Variants in HADHB observed in about 807,000 individuals in gnomAD.
The protein encoded by HADHB is trifunctional enzyme subunit beta, mitochondrial.
HADHB carries 50 observed loss-of-function variants against 61.9 expected under a neutral mutation model. The observed-to-expected ratio is 0.81, with a 90% CI of 0.64 to 1.02. The LOEUF is 1.02. Among genes scored for constraint, HADHB ranks in the 50% least tolerant of loss-of-function variants. The pLI, the probability that HADHB is intolerant of heterozygous loss-of-function variation, is 0.00. For missense variants in HADHB, 504 were observed against 586.5 expected (o/e 0.86, Z 1.45); for synonymous variants, 191 against 201.6 (o/e 0.95, Z 0.45).
intron 3 of HADHB, 142 bp from the exon 4 acceptor site, chr2:26,263,238 G>T: frequency 1.8e-6 from 1 of 549,470 alleles, no homozygotes; most frequent in Non-Finnish European, 3.3e-6. Flanking sequence ...GGCAGAGGTT[G>T]CAGTGAGCCG....
At position 26,259,228 on chromosome 2, in the gene HADHB, A is replaced by G. The variant is rs1372583853; in HGVS notation, c.110-4152A>G. Reference sequence around the variant, plus strand: ...GGGTCTGTCCCACAGACCCTGGCTGACTGACAGATGAAATGAGTACTCAGA... The same window carrying G: ...GGGTCTGTCCCACAGACCCTGGCTGGCTGACAGATGAAATGAGTACTCAGA... On this transcript the variant is annotated intron_variant, in intron 3 of 15. Coordinates refer to ENST00000317799, the MANE Select transcript of HADHB (RefSeq NM_000183.3). 2.0e-5 allele frequency among the ~76,000 whole-genome samples: 3 copies of G among 152,216 alleles called. No homozygotes were observed. The East Asian group carries it at 5.8e-4, about 29-fold the overall frequency.
At chr2:26,274,429 C>G (rs1308531391) in intron 6 of HADHB, among the ~76,000 whole-genome samples, 1 of 152,200 alleles carries the variant, frequency 6.6e-6, no homozygotes, top group Admixed American at 6.5e-5. Flanking sequence ...TTCCCTAGTT[C>G]TGGTCTGTGC....
chr2:26,277,873 T>C (rs1672614177), intron 7 of HADHB, among the ~76,000 whole-genome samples: 1 of 152,230 alleles, frequency 6.6e-6, no homozygotes, highest in African/African-American at 2.4e-5. Flanking sequence ...ACCACTACCA[T>C]ACTTGTAAAT....
chr2:26,252,248 G>A (rs1053146669), intron 1 of HADHB, among the ~76,000 whole-genome samples: 4 of 152,212 alleles, frequency 2.6e-5, no homozygotes, highest in African/African-American at 9.7e-5. Flanking sequence ...TATACATTCT[G>A]TGATATGGAG....
intron 7 of HADHB, 45 bp from the exon 8 acceptor site, chr2:26,278,569 A>G: frequency 6.7e-7 from 1 of 1,490,226 alleles, no homozygotes; most frequent in Non-Finnish European, 9.4e-7. Context: ...ATGGTATGTT[A>G]TTTTCTGTAA....
At chr2:26,277,182 C>A in intron 7 of HADHB, 22 bp downstream of exon 7, 4 of 1,047,736 alleles carry the variant, frequency 3.8e-6, no homozygotes, top group Non-Finnish European at 4.5e-6. Flanking sequence ...TGGAAACAGA[C>A]AGTACATGTT....
At chr2:26,248,488 C>G (rs926492837) in intron 1 of HADHB, among the ~76,000 whole-genome samples, 1 of 152,006 alleles carries the variant, frequency 6.6e-6, no homozygotes, top group African/African-American at 2.4e-5. Flanking sequence ...CGCTAGAGAC[C>G]TATATATGCT....
At chr2:26,277,582 C>A (rs757801866) in intron 7 of HADHB, among the ~76,000 whole-genome samples, 1 of 152,136 alleles carries the variant, frequency 6.6e-6, no homozygotes, top group Non-Finnish European at 1.5e-5. Context: ...GATCTCTATA[C>A]TTGTGTTTTT....
At chr2:26,246,912 C>G (rs573608885) in intron 1 of HADHB, among the ~76,000 whole-genome samples, 17 of 152,296 alleles carry the variant, frequency 1.1e-4, no homozygotes, top group African/African-American at 4.1e-4. Context: ...AACTGTGTAT[C>G]AAGCACTGTT....
intron 15 of HADHB, among the ~76,000 whole-genome samples, chr2:26,286,042 T>C (rs928550109): frequency 3.9e-5 from 6 of 151,938 alleles, no homozygotes; most frequent in Admixed American, 3.9e-4. Context: ...CCTGCCATAA[T>C]TCTGATAATT....
rs778294966 is a variant in HADHB at position 26,282,241 on chromosome 2, G to C, written c.934-604G>C. On this transcript the variant is annotated intron_variant, in intron 10 of 15. Coordinates refer to ENST00000317799, the MANE Select transcript of HADHB (RefSeq NM_000183.3). ...AATAAGTGTTTAGTGTTTATTATGA[G>C]CAGTTCTTTCTTTTTTTTTTTTTTT... 3.4e-5 allele frequency among the ~76,000 whole-genome samples: 5 copies of C among 149,222 alleles called. No homozygotes were observed. In the South Asian group the frequency reaches 1.1e-3, roughly 32 times the overall value.
Position 26,244,970 on chromosome 2 carries a change from T to TC in HADHB, c.-27dup. On this transcript the variant is annotated 5_prime_UTR_variant, in exon 1 of 16. Transcript: ENST00000317799. ...ACCTGAACCTTGCTCCGAGAGGGAGTCCTCGCGGACGTCAGCCAAGGTGAG... is the reference window on the plus strand; with the variant it reads ...ACCTGAACCTTGCTCCGAGAGGGAGTCCCTCGCGGACGTCAGCCAAGGTGAG... The TC allele has an allele frequency of 3.6e-6, 1 of 280,808 alleles. No individual in the cohort carries two copies. Among genetic ancestry groups the TC allele is most frequent in the Non-Finnish European group, 7.2e-6 (1 of 139,810 alleles). The allele number at this position is 280,808 out of a possible 1,614,324, so 17.4% of individuals were successfully genotyped here.
In HADHB at chr2:26,284,052, G is replaced by T. The variant is rs1413712600; in HGVS notation, c.1062-65G>T. ...GTACCTATGTAAAACTCAGTTTGGG[G>T]AATATGAAGGAGCTCTTAGTTTAAA... is the stretch of plus-strand genomic sequence containing the variant. On this transcript the variant is annotated intron_variant, in intron 12 of 15. Transcript: ENST00000317799. 8 of 862,920 alleles carry T rather than the reference G, an allele frequency of 9.3e-6. No homozygotes were observed. In the Admixed American group the frequency reaches 1.4e-4, roughly 15 times the overall value. The allele number at this position is 862,920 out of a possible 1,614,324, so 53.5% of individuals were successfully genotyped here.
chr2:26,257,903 C>T (rs991775888), intron 3 of HADHB, among the ~76,000 whole-genome samples: 1 of 152,028 alleles, frequency 6.6e-6, no homozygotes, highest in African/African-American at 2.4e-5. Flanking sequence ...CCTGTAATCC[C>T]AGCTACTTGG....
At chr2:26,277,453 C>G (rs1413907828) in intron 7 of HADHB, among the ~76,000 whole-genome samples, 1 of 151,972 alleles carries the variant, frequency 6.6e-6, no homozygotes, top group Non-Finnish European at 1.5e-5. Flanking sequence ...CCAGGCTGGT[C>G]TTAAACCTCT....
intron 4 of HADHB, among the ~76,000 whole-genome samples, chr2:26,268,399 G>A (rs1558350488): frequency 6.6e-6 from 1 of 152,210 alleles, no homozygotes. Context: ...GCTAGACTTA[G>A]TGACTCACTT....
Position 26,260,176 on chromosome 2 carries a change from T to G in HADHB, c.110-3204T>G, listed in dbSNP as rs57786064. ...AGCTTACGGCAACCTCCACCTCCTG[T>G]GTTCAAGCCATTCTCCTGCCTCAGC... On this transcript the variant is annotated intron_variant, in intron 3 of 15. Coordinates refer to ENST00000317799, the MANE Select transcript of HADHB (RefSeq NM_000183.3). 6.2e-3 allele frequency among the ~76,000 whole-genome samples: 939 copies of G among 151,066 alleles called. 8 individuals carry two copies. The highest frequency in any genetic ancestry group is 0.021 in the African/African-American group (877 of 41,032).
chr2:26,256,491 A>G (rs1024808132), intron 3 of HADHB, among the ~76,000 whole-genome samples: 12 of 150,422 alleles, frequency 8.0e-5, no homozygotes, highest in Non-Finnish European at 1.8e-4. Flanking sequence ...GACTGATTTG[A>G]TGGTTATGTC....
At chr2:26,270,686 C>G (rs897991385) in intron 5 of HADHB, among the ~76,000 whole-genome samples, 2 of 151,996 alleles carry the variant, frequency 1.3e-5, no homozygotes, top group African/African-American at 2.4e-5. Flanking sequence ...TTTACAGAAA[C>G]CATACTTTAG....
Sources: allele counts gnomAD v4.1 joint callset (sites outside exome capture counted in the v4.1 genomes callset), GRCh38; gene constraint gnomAD v4.1.1; transcripts MANE v1.5; gene names NCBI Gene and HGNC (gene_info 2026-07-23, HGNC 2026-07-21).